The following HEATR5B variants were observed in gnomAD, a reference collection of about 807,000 sequenced individuals.
HEATR5B encodes HEAT repeat containing 5B, also known as HEAT repeat-containing protein 5B.
Under a neutral mutation model 224.1 loss-of-function variants are expected in HEATR5B, and 156 were observed. That is an observed-to-expected ratio of 0.70 (90% CI 0.61 to 0.80). The LOEUF is 0.80. Ranked by LOEUF, HEATR5B falls within the 30% of genes least tolerant of loss-of-function variation. The probability of loss-of-function intolerance (pLI) is 0.00; values close to 1 mark genes in which losing one functional copy is unlikely to be tolerated. For synonymous variants in HEATR5B, 1,027 were observed against 893.0 expected (o/e 1.15, Z -2.68); for missense variants, 2,323 against 2,535.5 (o/e 0.92, Z 1.80).
In HEATR5B at chr2:37,040,420, C is replaced by T. The variant is rs1669797789; in HGVS notation, c.2955G>A (p.Leu985=). 1.2e-6 allele frequency: 2 copies of T among 1,613,898 alleles called. No homozygotes were observed. The highest frequency in any genetic ancestry group is 1.3e-5 in the African/African-American group (1 of 74,928). Residue 985 remains leucine (L), a synonymous_variant, in exon 20 of 36, where the codon CTG becomes CTA. Coordinates refer to ENST00000233099, the MANE Select transcript of HEATR5B (RefSeq NM_019024.3). ...CTGTATGTGAAGGCGGAACTGTCAACAGCAAGGTAAGAACTAGAGATAATG... is the reference window on the plus strand; with the variant it reads ...CTGTATGTGAAGGCGGAACTGTCAATAGCAAGGTAAGAACTAGAGATAATG... The part of the protein sequence containing the change: ...EPTLSLVLTL[L]LTVPPSHTEV...
intron 30 of HEATR5B, among the ~76,000 whole-genome samples, chr2:37,004,718 A>C (rs1667302397): frequency 6.6e-6 from 1 of 151,222 alleles, no homozygotes; most frequent in South Asian, 2.1e-4. Flanking sequence ...GTCTTTGATA[A>C]CTCTGTTCTC....
chr2:37,046,815 C>T (rs1359172283), intron 18 of HEATR5B, among the ~76,000 whole-genome samples: 4 of 151,258 alleles, frequency 2.6e-5, no homozygotes, highest in East Asian at 1.9e-4. Flanking sequence ...TTTGGGAGGC[C>T]GAGGCAGGTT....
intron 22 of HEATR5B, among the ~76,000 whole-genome samples, chr2:37,029,907 C>G (rs1200455819): frequency 6.7e-6 from 1 of 150,180 alleles, no homozygotes; most frequent in Admixed American, 6.6e-5. Context: ...CCACTACACT[C>G]CAGCTGGGTG....
At chr2:37,045,605 C>A (rs1265698344) in intron 18 of HEATR5B, among the ~76,000 whole-genome samples, 2 of 152,176 alleles carry the variant, frequency 1.3e-5, no homozygotes, top group Admixed American at 1.3e-4. Flanking sequence ...TGGGTAGTTT[C>A]CTTGTATTCT....
chr2:37,023,584 C>T (rs1474368819), intron 24 of HEATR5B, among the ~76,000 whole-genome samples: 1 of 152,086 alleles, frequency 6.6e-6, no homozygotes, highest in Non-Finnish European at 1.5e-5. Context: ...GCCTGGCCAA[C>T]ATGGTGAAAC....
intron 18 of HEATR5B, among the ~76,000 whole-genome samples, chr2:37,042,660 G>A (rs1669944789): frequency 6.6e-6 from 1 of 152,160 alleles, no homozygotes; most frequent in African/African-American, 2.4e-5. Flanking sequence ...GGGAAGCCAA[G>A]GCAAGTGGAT....
intron 24 of HEATR5B, among the ~76,000 whole-genome samples, chr2:37,027,088 G>A (rs1049120172): frequency 2.0e-5 from 3 of 152,202 alleles, no homozygotes; most frequent in African/African-American, 4.8e-5. Flanking sequence ...ACAGGCATGA[G>A]CCACCGCACC....
intron 34 of HEATR5B, among the ~76,000 whole-genome samples, chr2:36,989,188 C>T (rs530551772): frequency 1.3e-5 from 2 of 152,222 alleles, no homozygotes; most frequent in Non-Finnish European, 2.9e-5. Context: ...CGGGTTCAAG[C>T]GATTCTCCTG....
chr2:37,028,596 T>C (rs1261765466), intron 23 of HEATR5B, 85 bp downstream of exon 23: 2 of 1,002,062 alleles, frequency 2.0e-6, no homozygotes, highest in Non-Finnish European at 2.9e-6. Flanking sequence ...AATTTACATG[T>C]ATGTATCTTT....
At position 37,019,872 on chromosome 2, in the gene HEATR5B, T is replaced by C. The variant is rs1163751511; in HGVS notation, c.4041A>G (p.Gly1347=). ...GTGAAAAGGCTGGTCTTAGAGCAGCTCCCACCTAGAAAAATAAATAAAGCA... is the reference window on the plus strand; with the variant it reads ...GTGAAAAGGCTGGTCTTAGAGCAGCCCCCACCTAGAAAAATAAATAAAGCA... ...VILEQYQANV[G]AALRPAFSQD... is the part of the protein sequence containing the mutation. The change falls in exon 26 of 36, where the codon GGA becomes GGG. Residue 1347 remains glycine, a synonymous_variant. Coordinates refer to ENST00000233099, the MANE Select transcript of HEATR5B (RefSeq NM_019024.3). 6.3e-7 allele frequency: 1 copy of C among 1,598,056 alleles called. No homozygotes were observed. Among genetic ancestry groups the C allele is most frequent in the Admixed American group, 1.7e-5 (1 of 58,940 alleles).
At chr2:36,996,241 T>C (rs1666697531) in intron 33 of HEATR5B, among the ~76,000 whole-genome samples, 1 of 149,656 alleles carries the variant, frequency 6.7e-6, no homozygotes, top group Non-Finnish European at 1.5e-5. Flanking sequence ...TTTCTGTTTT[T>C]AGTAGAGAGG....
intron 9 of HEATR5B, 68 bp from the exon 10 acceptor site, chr2:37,065,058 T>TC: frequency 1.4e-6 from 2 of 1,470,148 alleles, no homozygotes. Context: ...TCAAATACTA[T>TC]CTAAAAAACA....
chr2:37,082,086 TCAGATGGA>T (rs1672613374), intron 2 of HEATR5B, among the ~76,000 whole-genome samples: 1 of 55,978 alleles, frequency 1.8e-5, no homozygotes, highest in Non-Finnish European at 3.4e-5. Context: ...TTTTTTTTTT[TCAGATGGA>T]GTTTCACTCT....
intron 31 of HEATR5B, 45 bp from the exon 32 acceptor site, chr2:37,002,617 T>G (rs747253592): frequency 1.9e-6 from 3 of 1,581,932 alleles, no homozygotes; most frequent in South Asian, 1.1e-5. Context: ...CAAAAAAAAG[T>G]ATGTAAAACA....
intron 29 of HEATR5B, among the ~76,000 whole-genome samples, chr2:37,005,994 T>C (rs919806244): frequency 3.9e-5 from 6 of 152,234 alleles, no homozygotes; most frequent in Non-Finnish European, 7.3e-5. Context: ...GGAATTCCCA[T>C]GCCATCAGGT....
chr2:37,037,756 C>G, intron 21 of HEATR5B, 99 bp downstream of exon 21: 1 of 789,160 alleles, frequency 1.3e-6, no homozygotes, highest in Non-Finnish European at 1.8e-6. Context: ...CCCAAGTACC[C>G]CAAAAATATA....
At chr2:37,023,362 T>C (rs192346446) in intron 24 of HEATR5B, among the ~76,000 whole-genome samples, 1 of 152,334 alleles carries the variant, frequency 6.6e-6, no homozygotes, top group Non-Finnish European at 1.5e-5. Flanking sequence ...CCCCAAGCAG[T>C]TCCTATTTAA....
At chr2:36,989,893 T>C (rs992608209) in intron 34 of HEATR5B, among the ~76,000 whole-genome samples, 3 of 144,816 alleles carry the variant, frequency 2.1e-5, no homozygotes, top group Admixed American at 7.0e-5. Context: ...AATCCAAGAA[T>C]GTTTCCTTTT....
At chr2:37,036,040 C>T (rs898593262) in intron 21 of HEATR5B, among the ~76,000 whole-genome samples, 11 of 152,176 alleles carry the variant, frequency 7.2e-5, no homozygotes, top group African/African-American at 2.7e-4. Flanking sequence ...AAATATTATT[C>T]AAATCCATTG....
Sources: gnomAD v4.1 joint callset for allele counts (sites outside exome capture counted in the v4.1 genomes callset) on GRCh38, gnomAD v4.1.1 for gene constraint, MANE v1.5 for transcripts, NCBI Gene and HGNC (gene_info 2026-07-23, HGNC 2026-07-21) for gene names.